The following PBX3 variants were observed in gnomAD, a reference collection of about 807,000 sequenced individuals.
The protein encoded by PBX3 is pre-B-cell leukemia transcription factor 3.
A neutral mutation model predicts 48.5 loss-of-function variants in PBX3; 14 were observed. The observed-to-expected ratio is 0.29, with a 90% CI of 0.19 to 0.45. The LOEUF is 0.45. Ranked by LOEUF, PBX3 falls within the 20% of genes least tolerant of loss-of-function variation. The pLI, the probability that PBX3 is intolerant of heterozygous loss-of-function variation, is 1.00. For synonymous variants in PBX3, 210 were observed against 200.3 expected, an observed-to-expected ratio of 1.05 and a Z score of -0.41; for missense variants, 386 against 546.7, an observed-to-expected ratio of 0.71 and a Z score of 2.93.
At chr9:125,937,692 GCT>G (rs1841869619) in intron 5 of PBX3, among the ~76,000 whole-genome samples, 1 of 152,150 alleles carries the variant, frequency 6.6e-6, no homozygotes, top group Non-Finnish European at 1.5e-5. Context: ...ACAGGGTCTC[GCT>G]CTGTCACACA....
In PBX3 at chr9:125,962,082, C is replaced by G; in HGVS notation, c.1010-20C>G. ...TGTGTAGCTCTCTGTTATTCAGCTA[C>G]TTAACTCTTTCCTTTCCAGGTTCTT... On this transcript the variant is annotated intron_variant, in intron 6 of 8. Coordinates refer to ENST00000373489, the MANE Select transcript of PBX3 (RefSeq NM_006195.6). 1 of 1,282,260 alleles carries G rather than the reference C, an allele frequency of 7.8e-7. No homozygotes were observed. The highest frequency in any genetic ancestry group is 1.1e-6 in the Non-Finnish European group (1 of 878,128). 79.4% of individuals were successfully genotyped at this position (1,282,260 alleles called of 1,614,324 possible). A position where few individuals can be genotyped will look rare whatever the true frequency, so the allele number is the denominator to read the frequency against.
At chr9:125,796,630 A>G (rs918882584) in intron 2 of PBX3, among the ~76,000 whole-genome samples, 3 of 152,026 alleles carry the variant, frequency 2.0e-5, no homozygotes, top group Non-Finnish European at 4.4e-5. Context: ...CCTATCTGCT[A>G]TTTCCCTCTC....
Position 125,747,489 on chromosome 9 carries a change from CG to C in PBX3, c.40del (p.Val14Ter). The C allele has an allele frequency of 6.3e-7, 1 of 1,583,776 alleles. No individual in the cohort carries two copies. The highest frequency in any genetic ancestry group is 1.7e-5 in the Admixed American group (1 of 57,200). On this transcript the variant is annotated frameshift_variant, in exon 1 of 9. Coordinates refer to ENST00000373489, the MANE Select transcript of PBX3 (RefSeq NM_006195.6). LOFTEE classifies it high-confidence loss of function. ...AATCCAGGATGCTGCAGACTCTGGC[CG>C]GGGTGAACCTGGCTGGCCACTCGGT... ...DQSRMLQTLA[G>X]VNLAGHSVQG...
chr9:125,918,235 G>A (rs376842827), intron 3 of PBX3, among the ~76,000 whole-genome samples: 23 of 152,168 alleles, frequency 1.5e-4, no homozygotes, highest in African/African-American at 5.1e-4. Context: ...ATACACTCTG[G>A]TGGAAGTTGT....
At chr9:125,890,846 T>C (rs1248181159) in intron 2 of PBX3, among the ~76,000 whole-genome samples, 2 of 152,168 alleles carry the variant, frequency 1.3e-5, no homozygotes, top group Non-Finnish European at 2.9e-5. Context: ...CTTTTTAGAT[T>C]AACAAAACAG....
intron 2 of PBX3, among the ~76,000 whole-genome samples, chr9:125,749,785 C>A (rs1588113263): frequency 6.6e-6 from 1 of 152,126 alleles, no homozygotes; most frequent in East Asian, 1.9e-4. Context: ...ACAGGTTTTT[C>A]GCTTTGCAAT....
intron 2 of PBX3, among the ~76,000 whole-genome samples, chr9:125,885,746 A>G (rs1840484002): frequency 6.6e-6 from 1 of 152,076 alleles, no homozygotes; most frequent in Non-Finnish European, 1.5e-5. Flanking sequence ...ACCTGCCTTT[A>G]GACAGAGTGA....
intron 2 of PBX3, among the ~76,000 whole-genome samples, chr9:125,795,320 A>T (rs952153818): frequency 6.6e-6 from 1 of 152,240 alleles, no homozygotes; most frequent in Non-Finnish European, 1.5e-5. Context: ...ATGTTTTCAC[A>T]TATAGCACCT....
chr9:125,835,652 C>G (rs1488587266), intron 2 of PBX3, among the ~76,000 whole-genome samples: 2 of 152,082 alleles, frequency 1.3e-5, no homozygotes, highest in African/African-American at 4.8e-5. Flanking sequence ...GCAAATCAAA[C>G]CCACAATATA....
intron 5 of PBX3, among the ~76,000 whole-genome samples, chr9:125,957,145 A>G (rs909753648): frequency 6.6e-6 from 1 of 152,240 alleles, no homozygotes; most frequent in Non-Finnish European, 1.5e-5. Context: ...TGTGATGTGC[A>G]TATTTTAATT....
At chr9:125,748,395 A>G (rs1009864300) in intron 1 of PBX3, 155 bp from the exon 2 acceptor site, 2 of 1,389,792 alleles carry the variant, frequency 1.4e-6, no homozygotes, top group East Asian at 2.6e-5. Context: ...GCTGTCGGGA[A>G]CTAGTCAACT....
chr9:125,862,609 T>C (rs1223256613), intron 2 of PBX3, among the ~76,000 whole-genome samples: 1 of 152,034 alleles, frequency 6.6e-6, no homozygotes, highest in African/African-American at 2.4e-5. Flanking sequence ...ATGATCTCGA[T>C]CTCCTGACCT....
intron 4 of PBX3, among the ~76,000 whole-genome samples, chr9:125,934,310 A>G (rs1421121866): frequency 1.3e-5 from 2 of 152,192 alleles, no homozygotes; most frequent in Admixed American, 6.5e-5. Context: ...GTGCATACCT[A>G]TACAACAGCC....
At chr9:125,915,143 C>A (rs1005559366) in intron 2 of PBX3, among the ~76,000 whole-genome samples, 65 of 152,176 alleles carry the variant, frequency 4.3e-4, no homozygotes, top group African/African-American at 1.5e-3. Context: ...GTGTATTCCT[C>A]TTCTGAAATC....
chr9:125,947,692 C>A (rs1229414824), intron 5 of PBX3, among the ~76,000 whole-genome samples: 1 of 151,808 alleles, frequency 6.6e-6, no homozygotes, highest in African/African-American at 2.4e-5. Flanking sequence ...TGTCAGTAAT[C>A]ACATTAAAGT....
intron 3 of PBX3, among the ~76,000 whole-genome samples, chr9:125,924,666 C>G (rs1457234077): frequency 6.6e-6 from 1 of 152,122 alleles, no homozygotes; most frequent in Non-Finnish European, 1.5e-5. Flanking sequence ...GCATATCTTC[C>G]AAATTTTGAC....
rs536549020 is a variant in PBX3, at chr9:125,793,492, C to T, written c.274+44869C>T. 3.1e-4 allele frequency among the ~76,000 whole-genome samples: 46 copies of T among 150,676 alleles called. No individual in the cohort carries two copies. The East Asian group carries it at 5.3e-3, about 17-fold the overall frequency. On this transcript the variant is annotated intron_variant, in intron 2 of 8. Coordinates refer to ENST00000373489, the MANE Select transcript of PBX3 (RefSeq NM_006195.6). ...TCTGCCAGGTTGGAGTGCAGTGGCA[C>T]GATCTCAGCTCACTGCATCCTTCGC...
intron 2 of PBX3, among the ~76,000 whole-genome samples, chr9:125,901,962 T>G (rs950258388): frequency 6.6e-6 from 1 of 151,752 alleles, no homozygotes; most frequent in African/African-American, 2.4e-5. Context: ...TTCTTTGCCT[T>G]TCTTTAATTG....
At chr9:125,835,260 T>C (rs1418957322) in intron 2 of PBX3, among the ~76,000 whole-genome samples, 2 of 152,148 alleles carry the variant, frequency 1.3e-5, no homozygotes, top group Non-Finnish European at 2.9e-5. Flanking sequence ...AATTGCAGTA[T>C]TAATATCCTT....
Sources: allele counts gnomAD v4.1 joint callset (sites outside exome capture counted in the v4.1 genomes callset), GRCh38; gene constraint gnomAD v4.1.1; transcripts MANE v1.5; gene names NCBI Gene and HGNC (gene_info 2026-07-23, HGNC 2026-07-21).